Variants in ARK2C observed in about 807,000 individuals in gnomAD.
The protein encoded by ARK2C is arkadia (RNF111) C-terminal like ring finger ubiquitin ligase 2C.
the ARK2C span, among the ~76,000 whole-genome samples, chr18:46,404,785 CAT>C: frequency 4.0e-5 from 6 of 150,820 alleles, no homozygotes; most frequent in East Asian, 9.8e-4. Flanking sequence ...CACACACACA[CAT>C]ACACACACAC....
chr18:46,450,386 C>A, the ARK2C span: 1 of 1,611,094 alleles, frequency 6.2e-7, no homozygotes, highest in Middle Eastern at 1.7e-4. Context: ...CTCCGCCGTA[C>A]GGGAGAGCTA....
the ARK2C span, among the ~76,000 whole-genome samples, chr18:46,427,572 C>T: frequency 3.3e-5 from 5 of 152,366 alleles, no homozygotes; most frequent in Admixed American, 6.5e-5. Flanking sequence ...CCAGAGCCTA[C>T]TTGGCCCCAC....
At chr18:46,389,783 C>A in the ARK2C span, among the ~76,000 whole-genome samples, 1 of 151,986 alleles carries the variant, frequency 6.6e-6, no homozygotes, top group African/African-American at 2.4e-5. Flanking sequence ...GGCTGCAGTG[C>A]AGTGGTGCAA....
chr18:46,343,040 A>G, the ARK2C span, among the ~76,000 whole-genome samples: 3 of 152,160 alleles, frequency 2.0e-5, no homozygotes, highest in African/African-American at 7.2e-5. Flanking sequence ...ATAATATTCC[A>G]CTTGAATAGT....
chr18:46,452,168 G>C, the ARK2C span, among the ~76,000 whole-genome samples: 1 of 152,226 alleles, frequency 6.6e-6, no homozygotes, highest in African/African-American at 2.4e-5. Flanking sequence ...ATAGTCTATT[G>C]ATACTGGTTC....
chr18:46,449,434 C>T, the ARK2C span, among the ~76,000 whole-genome samples: 1 of 152,016 alleles, frequency 6.6e-6, no homozygotes, highest in Non-Finnish European at 1.5e-5. Flanking sequence ...AAATTTTGTG[C>T]CCCCACCTTG....
the ARK2C span, among the ~76,000 whole-genome samples, chr18:46,422,987 T>C: frequency 6.6e-6 from 1 of 152,222 alleles, no homozygotes; most frequent in Non-Finnish European, 1.5e-5. Flanking sequence ...CAACTGTTCC[T>C]AGTGTCAGAT....
chr18:46,415,678 A>T, the ARK2C span, among the ~76,000 whole-genome samples: 1 of 152,210 alleles, frequency 6.6e-6, no homozygotes. Context: ...CAGATTCCCA[A>T]CCTGGGCCAA....
chr18:46,461,061 T>C, the ARK2C span: 8 of 152,216 alleles, frequency 5.3e-5, no homozygotes, highest in Admixed American at 2.0e-4. Context: ...AACTCCAGAA[T>C]TGGAGCCCTC....
chr18:46,336,190 A>G, the ARK2C span: 3 of 985,314 alleles, frequency 3.0e-6, no homozygotes, highest in Non-Finnish European at 3.6e-6. Context: ...TACACTAGGC[A>G]GAAATTCAAA....
the ARK2C span, among the ~76,000 whole-genome samples, chr18:46,345,731 A>C: frequency 6.6e-6 from 1 of 152,256 alleles, no homozygotes; most frequent in Non-Finnish European, 1.5e-5. Flanking sequence ...CTCTATTTGC[A>C]AATTTTACAT....
At chr18:46,337,046 G>A in the ARK2C span, 2 of 985,340 alleles carry the variant, frequency 2.0e-6, no homozygotes, top group Non-Finnish European at 2.4e-6. Flanking sequence ...GGCCCTCAGA[G>A]CTGCCCCTTT....
the ARK2C span, among the ~76,000 whole-genome samples, chr18:46,402,828 G>A: frequency 6.6e-6 from 1 of 152,134 alleles, no homozygotes; most frequent in Admixed American, 6.5e-5. Context: ...GTGAACTCTG[G>A]AATCCTGAAG....
At chr18:46,339,174 A>G in the ARK2C span, among the ~76,000 whole-genome samples, 94 of 152,116 alleles carry the variant, frequency 6.2e-4, no homozygotes, top group African/African-American at 2.2e-3. Context: ...TTCTTTTTAA[A>G]TTTTCATTTA....
chr18:46,444,131 T>C, the ARK2C span, among the ~76,000 whole-genome samples: 1 of 152,164 alleles, frequency 6.6e-6, no homozygotes, highest in Non-Finnish European at 1.5e-5. Context: ...TGTTCTTACC[T>C]ACATTCTTCT....
At chr18:46,357,366 T>C in the ARK2C span, among the ~76,000 whole-genome samples, 1 of 152,062 alleles carries the variant, frequency 6.6e-6, no homozygotes. Flanking sequence ...TAGAATCTAG[T>C]GGAGGTAACT....
chr18:46,450,795 A>G, the ARK2C span: 1 of 1,611,754 alleles, frequency 6.2e-7, no homozygotes, highest in Non-Finnish European at 8.5e-7. Flanking sequence ...CACAAGTATA[A>G]GAAGGTGGGT....
chr18:46,390,079 T>G, the ARK2C span, among the ~76,000 whole-genome samples: 1 of 152,194 alleles, frequency 6.6e-6, no homozygotes, highest in Non-Finnish European at 1.5e-5. Flanking sequence ...CCCCTGGGTC[T>G]TCAAAGCCAC....
chr18:46,382,052 C>G, the ARK2C span, among the ~76,000 whole-genome samples: 2 of 152,210 alleles, frequency 1.3e-5, no homozygotes, highest in Non-Finnish European at 2.9e-5. Flanking sequence ...GGAGCAGGCT[C>G]TCTTCCCTCC....
Sources: allele counts gnomAD v4.1 joint callset (sites outside exome capture counted in the v4.1 genomes callset), GRCh38; gene constraint gnomAD v4.1.1; transcripts MANE v1.5; gene names NCBI Gene and HGNC (gene_info 2026-07-23, HGNC 2026-07-21).